Variants in SLC2A13 observed in about 807,000 individuals in gnomAD.
The protein encoded by SLC2A13 is solute carrier family 2 member 13, also known as proton myo-inositol cotransporter.
Under a neutral mutation model 64.4 loss-of-function variants are expected in SLC2A13, and 32 were observed. That is an observed-to-expected ratio of 0.50 (90% CI 0.37 to 0.67). The LOEUF (loss-of-function observed/expected upper bound fraction) is 0.67. SLC2A13 is among the 30% of genes least tolerant of loss of function. The probability of loss-of-function intolerance (pLI) is 0.00; values close to 1 mark genes in which losing one functional copy is unlikely to be tolerated. For missense variants in SLC2A13, 743 were observed against 829.2 expected (o/e 0.90, Z 1.28); for synonymous variants, 338 against 327.1 (o/e 1.03, Z -0.36).
intron 4 of SLC2A13, among the ~76,000 whole-genome samples, chr12:39,933,780 C>A (rs1303326865): frequency 6.6e-6 from 1 of 151,990 alleles, no homozygotes; most frequent in Non-Finnish European, 1.5e-5. Context: ...GAGGCCTGAG[C>A]AACTAGAGGG....
At chr12:40,091,486 A>G (rs1301962676) in intron 1 of SLC2A13, among the ~76,000 whole-genome samples, 2 of 152,228 alleles carry the variant, frequency 1.3e-5, no homozygotes, top group East Asian at 3.8e-4. Flanking sequence ...AAAAGCCTGT[A>G]CTTCAATTAA....
chr12:39,978,098 C>T (rs1194674319), intron 3 of SLC2A13, among the ~76,000 whole-genome samples: 2 of 152,150 alleles, frequency 1.3e-5, no homozygotes, highest in African/African-American at 4.8e-5. Flanking sequence ...TAGAAGTAAG[C>T]CTTCAATACA....
At chr12:40,048,297 T>C in intron 1 of SLC2A13, 87 bp from the exon 2 acceptor site, 1 of 1,324,362 alleles carries the variant, frequency 7.6e-7, no homozygotes, top group Non-Finnish European at 1.0e-6. Flanking sequence ...GGCATACACT[T>C]ACATATATGG....
intron 3 of SLC2A13, among the ~76,000 whole-genome samples, chr12:39,965,255 T>C (rs965410509): frequency 7.4e-6 from 1 of 135,560 alleles, no homozygotes; most frequent in Admixed American, 8.7e-5. Flanking sequence ...ATGAGATCAA[T>C]ACCAAAAATG....
chr12:39,894,751 T>G (rs1944697210), intron 4 of SLC2A13, among the ~76,000 whole-genome samples: 1 of 152,124 alleles, frequency 6.6e-6, no homozygotes, highest in Non-Finnish European at 1.5e-5. Context: ...AAATACCGGC[T>G]TTGGCTGGCA....
chr12:39,973,839 A>G (rs1444934047), intron 3 of SLC2A13, among the ~76,000 whole-genome samples: 1 of 152,172 alleles, frequency 6.6e-6, no homozygotes, highest in Non-Finnish European at 1.5e-5. Flanking sequence ...ATTTCCATGC[A>G]TTTGGTTCTA....
At chr12:39,972,016 T>TA (rs1565569175) in intron 3 of SLC2A13, among the ~76,000 whole-genome samples, 345 of 17,602 alleles carry the variant, frequency 0.02, 4 homozygotes, top group African/African-American at 0.045. Context: ...ATATATATAT[T>TA]TTTTTTTATA....
intron 4 of SLC2A13, among the ~76,000 whole-genome samples, chr12:39,898,561 T>A (rs1011005524): frequency 6.6e-6 from 1 of 152,152 alleles, no homozygotes. Flanking sequence ...GCAAAATAGC[T>A]GGCTTGTCTT....
intron 3 of SLC2A13, among the ~76,000 whole-genome samples, chr12:39,954,176 G>A (rs567238538): frequency 2.0e-5 from 3 of 152,254 alleles, no homozygotes; most frequent in Non-Finnish European, 2.9e-5. Flanking sequence ...CAAATGAGGC[G>A]AACCCTGTAA....
chr12:39,988,016 T>C (rs1947059785), intron 3 of SLC2A13, among the ~76,000 whole-genome samples: 1 of 152,156 alleles, frequency 6.6e-6, no homozygotes. Context: ...GGTCTGAACT[T>C]AGTAAATCCC....
intron 4 of SLC2A13, among the ~76,000 whole-genome samples, chr12:39,906,170 G>T (rs17127239): frequency 0.049 from 7,457 of 152,138 alleles, 615 homozygotes; most frequent in African/African-American, 0.17. Flanking sequence ...TCTTAGCACA[G>T]CTTCCTATAG....
chr12:39,996,619 C>T (rs1456952626), intron 3 of SLC2A13, among the ~76,000 whole-genome samples: 3 of 152,180 alleles, frequency 2.0e-5, no homozygotes, highest in East Asian at 3.8e-4. Context: ...TGTAGCCTAG[C>T]CACTTGGTGC....
At chr12:39,906,686 A>G (rs1720455921) in intron 4 of SLC2A13, among the ~76,000 whole-genome samples, 1 of 152,134 alleles carries the variant, frequency 6.6e-6, no homozygotes, top group Admixed American at 6.6e-5. Context: ...TCTCAGTTGC[A>G]TTATTCAGGC....
chr12:40,072,765 G>T (rs921195954), intron 1 of SLC2A13, among the ~76,000 whole-genome samples: 1 of 152,056 alleles, frequency 6.6e-6, no homozygotes, highest in Non-Finnish European at 1.5e-5. Context: ...TATATTTAAA[G>T]AGTTTCATAT....
At position 39,756,404 on chromosome 12, in the gene SLC2A13, G is replaced by C. The variant is rs535198061; in HGVS notation, c.*3622C>G. ...AGTTGTTAGGTACTTAGTATAAGTT[G>C]ACATTTTATAACTTGCAATATGGTA... On this transcript the variant is annotated 3_prime_UTR_variant, in exon 10 of 10. Coordinates refer to ENST00000280871, the MANE Select transcript of SLC2A13 (RefSeq NM_052885.4). 1.4e-5 allele frequency: 2 copies of C among 142,308 alleles called. No homozygotes were observed. Among genetic ancestry groups the C allele is most frequent in the South Asian group, 4.6e-4 (2 of 4,336 alleles). 8.8% of individuals were successfully genotyped at this position (142,308 alleles called of 1,614,324 possible).
chr12:39,874,688 T>C (rs530757007), intron 4 of SLC2A13, among the ~76,000 whole-genome samples: 134 of 151,514 alleles, frequency 8.8e-4, no homozygotes, highest in African/African-American at 3.2e-3. Context: ...GCTTCTGTTA[T>C]GGAGGGGACT....
At chr12:39,779,960 C>G (rs4544077) in intron 7 of SLC2A13, among the ~76,000 whole-genome samples, 149,284 of 152,360 alleles carry the variant, frequency 0.98, 73,146 homozygotes, top group East Asian at 1. Flanking sequence ...GGCATACTTT[C>G]TTTATTGGAT....
intron 7 of SLC2A13, among the ~76,000 whole-genome samples, chr12:39,786,917 C>T (rs985310094): frequency 1.3e-5 from 2 of 152,204 alleles, no homozygotes; most frequent in African/African-American, 4.8e-5. Flanking sequence ...CTTGGCATAG[C>T]AGTCATAATA....
chr12:39,963,845 A>G (rs574918), intron 3 of SLC2A13, among the ~76,000 whole-genome samples: 126,438 of 152,168 alleles, frequency 0.83, 52,629 homozygotes, highest in East Asian at 0.9. Flanking sequence ...TGAGAATTAG[A>G]GTGAAAAGCT....
Sources: gnomAD v4.1 joint callset for allele counts (sites outside exome capture counted in the v4.1 genomes callset) on GRCh38, gnomAD v4.1.1 for gene constraint, MANE v1.5 for transcripts, NCBI Gene and HGNC (gene_info 2026-07-23, HGNC 2026-07-21) for gene names.